MALRD1: variants seen among roughly 807,000 people sequenced by gnomAD.
MALRD1 encodes the protein MAM and LDL-receptor class A domain-containing protein 1.
MALRD1 carries 247 observed loss-of-function variants against 242.1 expected under a neutral mutation model. The observed-to-expected ratio is 1.02, with a 90% CI of 0.92 to 1.13. The LOEUF is 1.13. MALRD1 is among the 50% of genes most tolerant of loss of function. MALRD1 has a pLI of 0.00. For synonymous variants in MALRD1, 995 were observed against 866.6 expected, an observed-to-expected ratio of 1.15 and a Z score of -2.60; for missense variants, 2,989 against 2,533.1, an observed-to-expected ratio of 1.18 and a Z score of -3.86.
chr10:19,095,578 C>T (rs1383456109), intron 4 of MALRD1, among the ~76,000 whole-genome samples: 1 of 151,806 alleles, frequency 6.6e-6, no homozygotes, highest in African/African-American at 2.4e-5. Flanking sequence ...GTGGTAGGTA[C>T]AATGAAGGGA....
intron 2 of MALRD1, among the ~76,000 whole-genome samples, chr10:19,084,352 G>A (rs893832995): frequency 2.0e-4 from 30 of 151,886 alleles, no homozygotes; most frequent in African/African-American, 6.5e-4. Context: ...ATTTCTATAA[G>A]TTTTGACATG....
intron 4 of MALRD1, among the ~76,000 whole-genome samples, chr10:19,091,447 A>AT (rs1013583288): frequency 0.013 from 483 of 36,176 alleles, 41 homozygotes; most frequent in African/African-American, 0.066. Context: ...CCCCTTTATC[A>AT]TTTTTTATTG....
At chr10:19,425,106 T>C (rs1362937271) in intron 28 of MALRD1, among the ~76,000 whole-genome samples, 2 of 152,142 alleles carry the variant, frequency 1.3e-5, no homozygotes, top group Non-Finnish European at 2.9e-5. Flanking sequence ...TTGGGGGCCA[T>C]TTTTTCTCTT....
intron 35 of MALRD1, among the ~76,000 whole-genome samples, chr10:19,614,522 A>G (rs1470781480): frequency 6.6e-6 from 1 of 151,996 alleles, no homozygotes; most frequent in Non-Finnish European, 1.5e-5. Context: ...AGTAAAAACA[A>G]AAGGCCTAGG....
chr10:19,615,957 T>C (rs1230247250), intron 36 of MALRD1, 34 bp downstream of exon 36: 24 of 1,466,128 alleles, frequency 1.6e-5, no homozygotes, highest in Non-Finnish European at 2.2e-5. Flanking sequence ...TTTTTTAAGA[T>C]TTTTTGGAGT....
chr10:19,281,317 C>A (rs767555426), intron 20 of MALRD1, among the ~76,000 whole-genome samples: 17 of 152,074 alleles, frequency 1.1e-4, no homozygotes, highest in Non-Finnish European at 1.8e-4. Flanking sequence ...CCCTTATGAT[C>A]TTATATAAGT....
intron 21 of MALRD1, among the ~76,000 whole-genome samples, chr10:19,319,046 C>T (rs900300331): frequency 6.6e-6 from 1 of 151,600 alleles, no homozygotes; most frequent in African/African-American, 2.4e-5. Flanking sequence ...AGAAAGCAAT[C>T]AATAAATGTT....
intron 29 of MALRD1, among the ~76,000 whole-genome samples, chr10:19,456,308 T>TA (rs1250216738): frequency 6.6e-6 from 1 of 152,206 alleles, no homozygotes; most frequent in Non-Finnish European, 1.5e-5. Context: ...AAAGATAATG[T>TA]AAAAAGACAT....
chr10:19,178,332 C>A (rs1005590949), intron 14 of MALRD1, among the ~76,000 whole-genome samples: 7 of 152,116 alleles, frequency 4.6e-5, no homozygotes, highest in African/African-American at 1.7e-4. Flanking sequence ...TATAGGATCT[C>A]ATTTGTGGAG....
intron 30 of MALRD1, among the ~76,000 whole-genome samples, chr10:19,497,994 A>C (rs1374266291): frequency 1.3e-5 from 2 of 152,198 alleles, no homozygotes; most frequent in Non-Finnish European, 2.9e-5. Flanking sequence ...CTGATATTTG[A>C]TGCTGCAGTG....
At chr10:19,311,590 T>G (rs907122075) in intron 21 of MALRD1, among the ~76,000 whole-genome samples, 6 of 151,458 alleles carry the variant, frequency 4.0e-5, no homozygotes, top group African/African-American at 1.2e-4. Context: ...TTTAATATTT[T>G]TATCAATAAA....
rs117588840 is a variant in MALRD1, at chr10:19,634,600, G to A, written c.6137+18677G>A. ...ATATGGAGACTTAGATCTTCAGCTC[G>A]GCATTGTTCTGGATTCTGTTGGTAA... On this transcript the variant is annotated intron_variant, in intron 36 of 39. Coordinates refer to ENST00000454679, the MANE Select transcript of MALRD1 (RefSeq NM_001142308.3). Among the ~76,000 whole-genome samples the A allele has an allele frequency of 5.7e-4, 87 of 152,172 alleles. 1 individual carries two copies. The highest frequency in any genetic ancestry group is 1.0e-3 in the Non-Finnish European group (69 of 68,004).
chr10:19,282,977 C>T (rs375352960), intron 20 of MALRD1, 42 bp from the exon 21 acceptor site: 42 of 1,420,886 alleles, frequency 3.0e-5, no homozygotes, highest in South Asian at 2.1e-4. Context: ...ATAGAAACTG[C>T]CACTTACTAG....
chr10:19,177,278 C>CA (rs34742551), intron 14 of MALRD1, among the ~76,000 whole-genome samples: 12,486 of 113,892 alleles, frequency 0.11, 652 homozygotes, highest in East Asian at 0.21. Context: ...AGATTCCTCT[C>CA]AAAAAAAAAA....
chr10:19,332,498 A>G (rs1445217040), intron 24 of MALRD1, among the ~76,000 whole-genome samples: 1 of 152,190 alleles, frequency 6.6e-6, no homozygotes, highest in Admixed American at 6.5e-5. Flanking sequence ...AGATTGTGCA[A>G]CATAGTCCAA....
rs141150442 is a variant in MALRD1, at chr10:19,217,993, A to G, written c.2991+8313A>G. The stretch of plus-strand genomic sequence containing the variant: ...GAATGATTGTACTCCTAATTAGTAG[A>G]TAGAAAGCCATGAACTTCCCAGTTC... On this transcript the variant is annotated intron_variant, in intron 18 of 39. Coordinates refer to ENST00000454679, the MANE Select transcript of MALRD1 (RefSeq NM_001142308.3). Among the ~76,000 whole-genome samples the G allele has an allele frequency of 2.8e-3, 420 of 152,166 alleles. 3 individuals carry two copies. The highest frequency in any genetic ancestry group is 9.7e-3 in the African/African-American group (401 of 41,538).
rs180783353 is a variant in MALRD1 at position 19,441,387 on chromosome 10, T to C, written c.4846-8920T>C. On this transcript the variant is annotated intron_variant, in intron 28 of 39. Coordinates refer to ENST00000454679, the MANE Select transcript of MALRD1 (RefSeq NM_001142308.3). The stretch of plus-strand genomic sequence containing the variant: ...ATTTTGGCTTTTGTTGCCATTGTTT[T>C]TGGTGTTTTAGTCATGAAGTCCTTT... Among the ~76,000 whole-genome samples, 972 of 152,304 alleles carry C rather than the reference T, an allele frequency of 6.4e-3. 15 individuals are homozygous for C. The highest frequency in any genetic ancestry group is 0.022 in the African/African-American group (927 of 41,570).
At chr10:19,621,219 T>C (rs1026090308) in intron 36 of MALRD1, among the ~76,000 whole-genome samples, 4 of 151,444 alleles carry the variant, frequency 2.6e-5, no homozygotes, top group Middle Eastern at 3.4e-3. Context: ...AAAAATAAAA[T>C]ACATCAAGAC....
intron 36 of MALRD1, among the ~76,000 whole-genome samples, chr10:19,624,692 C>T (rs953865085): frequency 1.6e-4 from 24 of 151,754 alleles, no homozygotes; most frequent in African/African-American, 5.3e-4. Flanking sequence ...ATAGTGAAAC[C>T]CCATCTCTAC....
Sources: gnomAD v4.1 joint callset for allele counts (sites outside exome capture counted in the v4.1 genomes callset) on GRCh38, gnomAD v4.1.1 for gene constraint, MANE v1.5 for transcripts, NCBI Gene and HGNC (gene_info 2026-07-23, HGNC 2026-07-21) for gene names.